The following WASHC2C variants were observed in gnomAD, a reference collection of about 807,000 sequenced individuals.
WASHC2C encodes WASH complex subunit 2C.
In WASHC2C, 73 loss-of-function variants were observed where a neutral mutation model predicts 142.2. That is an observed-to-expected ratio of 0.51 (90% CI 0.43 to 0.62). The LOEUF is 0.62. Ranked by LOEUF, WASHC2C falls within the 20% of genes least tolerant of loss-of-function variation. WASHC2C has a pLI of 0.00. For synonymous variants in WASHC2C, 337 were observed against 565.5 expected, an observed-to-expected ratio of 0.60 and a Z score of 5.73; for missense variants, 969 against 1,531.7, an observed-to-expected ratio of 0.63 and a Z score of 6.13.
chr10:45,743,231 G>T (rs1225537308), intron 5 of WASHC2C, among the ~76,000 whole-genome samples, 159 bp from the exon 6 acceptor site: 1 of 152,140 alleles, frequency 6.6e-6, no homozygotes, highest in Admixed American at 6.5e-5. Context: ...GTGAAAAAAA[G>T]AATTTTTTTT....
In WASHC2C at chr10:45,792,529, A is replaced by G. The variant is rs1174008871; in HGVS notation, c.*129A>G. On this transcript the variant is annotated 3_prime_UTR_variant, in exon 31 of 31. Transcript: ENST00000623400. The stretch of plus-strand genomic sequence containing the variant: ...GAACAGCTAGCTCATCTTTTACCCA[A>G]TGTACTTAGTATTTTTCTGCACTGG... 165 of 1,401,788 alleles carry G rather than the reference A, an allele frequency of 1.2e-4. 15 individuals are homozygous for G. The highest frequency in any genetic ancestry group is 9.2e-4 in the African/African-American group (64 of 69,510). 86.8% of individuals were successfully genotyped at this position (1,401,788 alleles called of 1,614,324 possible).
At chr10:45,761,087 T>G (rs1185631242) in intron 17 of WASHC2C, among the ~76,000 whole-genome samples, 6 of 151,926 alleles carry the variant, frequency 3.9e-5, no homozygotes, top group African/African-American at 1.2e-4. Context: ...GTCTCACAGT[T>G]CGAGAGGTTG....
intron 17 of WASHC2C, among the ~76,000 whole-genome samples, chr10:45,762,411 G>T (rs1227944560): frequency 4.0e-5 from 6 of 151,454 alleles, no homozygotes; most frequent in Non-Finnish European, 7.4e-5. Context: ...ATATAGGCTG[G>T]TCTTGAACTC....
chr10:45,745,311 A>G (rs1156389125), intron 7 of WASHC2C, among the ~76,000 whole-genome samples: 7 of 152,030 alleles, frequency 4.6e-5, no homozygotes, highest in Non-Finnish European at 8.8e-5. Flanking sequence ...GCCACCACTT[A>G]CATTCTATTT....
intron 8 of WASHC2C, among the ~76,000 whole-genome samples, chr10:45,749,836 A>AAAAATAT (rs1227809519): frequency 3.7e-4 from 38 of 101,742 alleles, no homozygotes; most frequent in African/African-American, 1.2e-3. Flanking sequence ...AAAAAAAAAA[A>AAAAATAT]ATATATATAT....
rs552117041 is a variant in WASHC2C at position 45,744,327 on chromosome 10, G to A, written c.623-494G>A. Among the ~76,000 whole-genome samples the A allele has an allele frequency of 9.5e-5, 14 of 147,632 alleles. No individual in the cohort carries two copies. The South Asian group carries it at 3.1e-3, about 33-fold the overall frequency. ...TCTGTGTGTGTTTTCTAAGAACAAG[G>A]ACATCTCTTGTATAATCACAGTAGA... is the stretch of plus-strand genomic sequence containing the variant. On this transcript the variant is annotated intron_variant, in intron 6 of 30. Coordinates refer to ENST00000623400, the MANE Select transcript of WASHC2C (RefSeq NM_001330074.2).
chr10:45,734,027 T>C (rs1392781313), intron 3 of WASHC2C, among the ~76,000 whole-genome samples: 2 of 151,900 alleles, frequency 1.3e-5, no homozygotes. Context: ...ATTGAGACCA[T>C]CCTGACTAAC....
intron 25 of WASHC2C, among the ~76,000 whole-genome samples, chr10:45,785,121 A>G (rs2057934264): frequency 6.6e-6 from 1 of 152,224 alleles, no homozygotes; most frequent in Non-Finnish European, 1.5e-5. Flanking sequence ...TAAAACATTA[A>G]TAATCCAGGC....
chr10:45,755,593 C>T (rs2054171643), intron 15 of WASHC2C, among the ~76,000 whole-genome samples: 1 of 152,304 alleles, frequency 6.6e-6, no homozygotes, highest in Non-Finnish European at 1.5e-5. Context: ...CTCTTTTCCT[C>T]TTAAATGTAA....
In WASHC2C at chr10:45,754,947, G is replaced by T. The variant is rs186054038; in HGVS notation, c.1252G>T (p.Val418Leu). 6.2e-7 allele frequency: 1 copy of T among 1,611,876 alleles called. No individual in the cohort carries two copies. Among genetic ancestry groups the T allele is most frequent in the Non-Finnish European group, 8.5e-7 (1 of 1,179,858 alleles). ...CCCTTCACTCACAGGAGACACGGAT[G>T]TGTTTGGTGCTGCCTCCGTTCCATC... ...AVSVFLGDTD[V>L]FGAASVPSLK... The change falls in exon 15 of 31, where the codon GTG becomes TTG. Residue 418 changes from valine (V) to leucine (L), a missense_variant. Transcript: ENST00000623400.
At chr10:45,759,675 C>T (rs2573541) in intron 17 of WASHC2C, among the ~76,000 whole-genome samples, 77 of 151,870 alleles carry the variant, frequency 5.1e-4, no homozygotes, top group East Asian at 9.7e-4. Flanking sequence ...AAAAATTAGC[C>T]GGGTATGGTG....
At chr10:45,754,432 G>A in intron 13 of WASHC2C, 54 bp from the exon 14 acceptor site, 1 of 1,601,918 alleles carries the variant, frequency 6.2e-7, no homozygotes, top group South Asian at 1.1e-5. Context: ...GAAGAAAATA[G>A]CAAGGAAAGT....
rs1325015997 is a variant in WASHC2C, at chr10:45,757,066, A to G, written c.1475A>G (p.Lys492Arg). 1.2e-6 allele frequency: 2 copies of G among 1,608,568 alleles called. No individual in the cohort carries two copies. Among genetic ancestry groups the G allele is most frequent in the Non-Finnish European group, 8.5e-7 (1 of 1,178,314 alleles). ...GGTGACGAAGAAGGAGATCTGTTCA[A>G]AGAAAAAGCCGTAGCATCGCCAGAA... ...IFGDEEGDLFKEKAVASPEAT... is the reference protein window; with the variant it reads ...IFGDEEGDLFREKAVASPEAT... Residue 492 changes from lysine to arginine, a missense_variant, in exon 16 of 31, where the codon AAA becomes AGA. Coordinates refer to ENST00000623400, the MANE Select transcript of WASHC2C (RefSeq NM_001330074.2).
At chr10:45,749,596 G>A (rs1483017616) in intron 8 of WASHC2C, among the ~76,000 whole-genome samples, 12 of 151,084 alleles carry the variant, frequency 7.9e-5, no homozygotes, top group East Asian at 5.8e-4. Flanking sequence ...AGGCTGAGGC[G>A]GGTGGATCAC....
intron 3 of WASHC2C, among the ~76,000 whole-genome samples, chr10:45,731,811 T>TC (rs2050625124): frequency 6.7e-6 from 1 of 148,870 alleles, no homozygotes; most frequent in Non-Finnish European, 1.5e-5. Flanking sequence ...TTTTTTTTTT[T>TC]TGAGACGGAG....
At position 45,765,385 on chromosome 10, in the gene WASHC2C, T is replaced by C. The variant is rs1188021309; in HGVS notation, c.1738-294T>C. 6.8e-3 allele frequency among the ~76,000 whole-genome samples: 1,002 copies of C among 148,408 alleles called. 7 individuals are homozygous for C. Among genetic ancestry groups the C allele is most frequent in the African/African-American group, 0.019 (739 of 39,366 alleles). ...AGCAGAGAGGCACTTGCCCACAGGG[T>C]GACTGGATGGGGCTCAGTTTCTCCT... is the stretch of plus-strand genomic sequence containing the variant. On this transcript the variant is annotated intron_variant, in intron 18 of 30. Coordinates refer to ENST00000623400, the MANE Select transcript of WASHC2C (RefSeq NM_001330074.2).
At chr10:45,727,366 C>T (rs1445489668) in intron 1 of WASHC2C, 46 bp downstream of exon 1, 1 of 1,605,106 alleles carries the variant, frequency 6.2e-7, no homozygotes, top group Non-Finnish European at 8.5e-7. Context: ...CTGGGGCCGC[C>T]GTCCCTGCCG....
Position 45,790,349 on chromosome 10 carries a change from T to G in WASHC2C, c.3709-7T>G. ...CATTGTTTTGTATGTATTTTTGGCTTAACAAGGATGATATATTTGCTACGG... is the reference window on the plus strand; with the variant it reads ...CATTGTTTTGTATGTATTTTTGGCTGAACAAGGATGATATATTTGCTACGG... On this transcript the variant is annotated splice_polypyrimidine_tract_variant and splice_region_variant and intron_variant, in intron 29 of 30. Transcript: ENST00000623400. 6.2e-7 allele frequency: 1 copy of G among 1,608,974 alleles called. No homozygotes were observed.
At position 45,752,810 on chromosome 10, in the gene WASHC2C, A is replaced by T. The variant is rs1355864435; in HGVS notation, c.1122+104A>T. 6.8e-6 allele frequency: 5 copies of T among 732,358 alleles called. 1 individual carries two copies. The highest frequency in any genetic ancestry group is 8.1e-4 in the Middle Eastern group (2 of 2,474). The allele number at this position is 732,358 out of a possible 1,614,324, so 45.4% of individuals were successfully genotyped here. A position where few individuals can be genotyped will look rare whatever the true frequency, so the allele number is the denominator to read the frequency against. On this transcript the variant is annotated intron_variant, in intron 12 of 30. Transcript: ENST00000623400. ...TTTAGTGGGGGAAAAACAGTTTCTC[A>T]GTTGGAAGTTGCTTCTATTTTCATA... is the stretch of plus-strand genomic sequence containing the variant.
Sources: allele counts gnomAD v4.1 joint callset (sites outside exome capture counted in the v4.1 genomes callset), GRCh38; gene constraint gnomAD v4.1.1; transcripts MANE v1.5; gene names NCBI Gene and HGNC (gene_info 2026-07-23, HGNC 2026-07-21).